The following DOCK7 variants were observed in gnomAD, a reference collection of about 807,000 sequenced individuals.
The protein encoded by DOCK7 is dedicator of cytokinesis 7, also known as dedicator of cytokinesis protein 7.
DOCK7 carries 138 observed loss-of-function variants against 271.0 expected under a neutral mutation model. The ratio of observed to expected loss-of-function variants is 0.51; its 90% CI spans 0.44 to 0.59. DOCK7 has a LOEUF of 0.59. Among genes scored for constraint, DOCK7 ranks in the 20% least tolerant of loss-of-function variants. DOCK7 has a pLI of 0.00. For synonymous variants in DOCK7, 823 were observed against 876.1 expected (o/e 0.94, Z 1.07); for missense variants, 2,066 against 2,592.4 (o/e 0.80, Z 4.41).
chr1:62,656,600 G>C (rs1482896254), intron 2 of DOCK7, among the ~76,000 whole-genome samples: 1 of 152,116 alleles, frequency 6.6e-6, no homozygotes. Context: ...AAGTACAACA[G>C]CCTAGATATT....
intron 14 of DOCK7, among the ~76,000 whole-genome samples, chr1:62,612,394 G>C (rs1407477864): frequency 6.6e-6 from 1 of 152,100 alleles, no homozygotes; most frequent in African/African-American, 2.4e-5. Flanking sequence ...TGGGTGCAAG[G>C]GAGGGAGAGC....
Position 62,485,277 on chromosome 1 carries a change from G to A in DOCK7, c.5508+2121C>T, listed in dbSNP as rs1019878905. On this transcript the variant is annotated intron_variant, in intron 43 of 49. Transcript: ENST00000635253. Reference sequence around the variant, plus strand: ...GATAACAGCCACATGACTCCCGAAAGGTTCATGATTTATTATTTTGCATGG... The same window carrying A: ...GATAACAGCCACATGACTCCCGAAAAGTTCATGATTTATTATTTTGCATGG... 16 of 985,146 alleles carry A rather than the reference G, an allele frequency of 1.6e-5. No individual in the cohort carries two copies. The Admixed American group carries it at 8.0e-4, about 49-fold the overall frequency. 61.0% of individuals were successfully genotyped at this position (985,146 alleles called of 1,614,324 possible).
At chr1:62,643,884 T>C (rs1317241087) in intron 7 of DOCK7, among the ~76,000 whole-genome samples, 1 of 152,054 alleles carries the variant, frequency 6.6e-6, no homozygotes, top group Non-Finnish European at 1.5e-5. Flanking sequence ...TGAGCCCATC[T>C]AAATGGATTT....
intron 41 of DOCK7, among the ~76,000 whole-genome samples, chr1:62,490,327 C>G (rs1433880720): frequency 1.3e-5 from 2 of 151,872 alleles, no homozygotes; most frequent in Non-Finnish European, 2.9e-5. Flanking sequence ...CCACCTTGCA[C>G]AGTAATCCTA....
intron 6 of DOCK7, 107 bp from the exon 7 acceptor site, chr1:62,647,883 G>A: frequency 1.1e-6 from 1 of 904,774 alleles, no homozygotes; most frequent in Non-Finnish European, 1.7e-6. Context: ...CTTCACAATA[G>A]AACATAGAGA....
intron 44 of DOCK7, among the ~76,000 whole-genome samples, chr1:62,476,393 A>G (rs1400773699): frequency 2.6e-5 from 4 of 152,214 alleles, no homozygotes; most frequent in African/African-American, 9.6e-5. Context: ...AACACAAAAT[A>G]TCAGAAAACA....
chr1:62,641,271 T>C (rs905738540), intron 7 of DOCK7: 1 of 419,428 alleles, frequency 2.4e-6, no homozygotes, highest in Non-Finnish European at 4.7e-6. Context: ...ATGGTGGCTG[T>C]CACTGCCTGG....
chr1:62,553,309 AT>A (rs775716298), intron 21 of DOCK7, among the ~76,000 whole-genome samples: 14 of 34,504 alleles, frequency 4.1e-4, no homozygotes, highest in Admixed American at 7.6e-4. Context: ...AATAAAAAGT[AT>A]TTTATATATA....
chr1:62,574,361 C>T (rs972692981), intron 18 of DOCK7, among the ~76,000 whole-genome samples: 12 of 152,132 alleles, frequency 7.9e-5, no homozygotes, highest in Admixed American at 5.2e-4. Flanking sequence ...CAGAGGTTGT[C>T]ATGACTTTAC....
intron 41 of DOCK7, 170 bp downstream of exon 41, chr1:62,492,534 C>A (rs114262330): frequency 4.4e-6 from 3 of 676,612 alleles, no homozygotes; most frequent in Non-Finnish European, 7.3e-6. Flanking sequence ...GCAATCCTCC[C>A]GTCTTAGCCT....
At chr1:62,683,706 G>A (rs1661416103) in intron 1 of DOCK7, among the ~76,000 whole-genome samples, 1 of 152,104 alleles carries the variant, frequency 6.6e-6, no homozygotes, top group African/African-American at 2.4e-5. Context: ...AGGCCGAGGT[G>A]GGCAGATCCC....
rs1448959166 is a variant in DOCK7 at position 62,636,621 on chromosome 1, A to T, written c.819-18T>A. 6.4e-7 allele frequency: 1 copy of T among 1,562,302 alleles called. No homozygotes were observed. The highest frequency in any genetic ancestry group is 1.4e-5 in the African/African-American group (1 of 73,446). ...TTTCAAACCTTTATGAAGAAAAAGGATAAAATAATTTAAAGATAAACATGA... is the reference window on the plus strand; with the variant it reads ...TTTCAAACCTTTATGAAGAAAAAGGTTAAAATAATTTAAAGATAAACATGA... On this transcript the variant is annotated intron_variant, in intron 7 of 49. Coordinates refer to ENST00000635253, the MANE Select transcript of DOCK7 (RefSeq NM_001367561.1).
chr1:62,677,577 G>A (rs1041592657), intron 1 of DOCK7, among the ~76,000 whole-genome samples: 3 of 151,858 alleles, frequency 2.0e-5, no homozygotes, highest in Middle Eastern at 6.9e-3. Context: ...CATGTAAAAA[G>A]CCACCGAAAA....
At position 62,528,280 on chromosome 1, in the gene DOCK7, T is replaced by C; in HGVS notation, c.3807A>G (p.Pro1269=). The change falls in exon 31 of 50, where the codon CCA becomes CCG. Residue 1269 remains proline, a synonymous_variant. Coordinates refer to ENST00000635253, the MANE Select transcript of DOCK7 (RefSeq NM_001367561.1). ...CATAATCATCAGTGGCTATACAAAT[T>C]GGTCTTCCTCGTTGATTGTGAGTTT... ...FTETHNQRGR[P]ICIATDDYES... is the part of the protein sequence containing the mutation. 1 of 1,612,556 alleles carries C rather than the reference T, an allele frequency of 6.2e-7. No individual in the cohort carries two copies. Among genetic ancestry groups the C allele is most frequent in the Non-Finnish European group, 8.5e-7 (1 of 1,179,346 alleles).
chr1:62,489,402 C>T (rs934439881), intron 41 of DOCK7, among the ~76,000 whole-genome samples: 1 of 152,032 alleles, frequency 6.6e-6, no homozygotes, highest in African/African-American at 2.4e-5. Context: ...TGAGCTGAGA[C>T]CGCGCCACTG....
At chr1:62,456,282 T>C (rs1319505711) in intron 49 of DOCK7, among the ~76,000 whole-genome samples, 2 of 152,086 alleles carry the variant, frequency 1.3e-5, no homozygotes, top group African/African-American at 2.4e-5. Flanking sequence ...ACCAGCAAAA[T>C]TAAAAATTCA....
intron 33 of DOCK7, among the ~76,000 whole-genome samples, chr1:62,513,195 A>AGTTTTCTAGAGAGGACTTTCTAGAGAAC (rs1197531074): frequency 1.1e-4 from 15 of 135,716 alleles, no homozygotes; most frequent in Admixed American, 1.0e-3. Flanking sequence ...TTCTAGAGAA[A>AGTTTTCTAGAGAGGACTTTCTAGAGAAC]GTTTTCTAGA....
intron 41 of DOCK7, among the ~76,000 whole-genome samples, chr1:62,490,263 G>A (rs1208421740): frequency 1.3e-5 from 2 of 151,722 alleles, no homozygotes; most frequent in Non-Finnish European, 2.9e-5. Flanking sequence ...TAGAGATGAC[G>A]CTCTTGTTAC....
intron 16 of DOCK7, among the ~76,000 whole-genome samples, chr1:62,579,581 A>T (rs1647048932): frequency 6.6e-6 from 1 of 151,590 alleles, no homozygotes; most frequent in African/African-American, 2.4e-5. Context: ...AATTTAAAAA[A>T]GTCCTAGCTA....
Sources: allele counts gnomAD v4.1 joint callset (sites outside exome capture counted in the v4.1 genomes callset), GRCh38; gene constraint gnomAD v4.1.1; transcripts MANE v1.5; gene names NCBI Gene and HGNC (gene_info 2026-07-23, HGNC 2026-07-21).